Variants in EEPD1 observed in about 807,000 individuals in gnomAD.
EEPD1 encodes endonuclease/exonuclease/phosphatase family domain-containing protein 1.
EEPD1 carries 17 observed loss-of-function variants against 46.3 expected under a neutral mutation model. That is an observed-to-expected ratio of 0.37 (90% CI 0.25 to 0.55). The LOEUF is 0.55. Ranked by LOEUF, EEPD1 falls within the 20% of genes least tolerant of loss-of-function variation. EEPD1 has a pLI of 0.83. For synonymous variants in EEPD1, 313 were observed against 315.6 expected (o/e 0.99, Z 0.09); for missense variants, 673 against 745.6 (o/e 0.90, Z 1.13).
Position 36,154,839 on chromosome 7 carries a change from G to T in EEPD1, c.515G>T (p.Arg172Leu), listed in dbSNP as rs748646103. The change falls in exon 2 of 8, where the codon CGC becomes CTC. Residue 172 changes from arginine (R) to leucine (L), a missense_variant. By Grantham distance (102) the Arg-to-Leu change is moderately radical. Coordinates refer to ENST00000242108, the MANE Select transcript of EEPD1 (RefSeq NM_030636.3). This position sits in a 1 kb window ranked among gnomAD's most constrained non-coding sequence, Gnocchi z 4.2. ...TTCCGCCGTGAGCATGGGCCCTTTC[G>T]CAGCGTTGAGGACCTAGTGAGGATG... The part of the protein sequence containing the change: ...VDFRREHGPF[R>L]SVEDLVRMDG... 3 of 1,614,188 alleles carry T rather than the reference G, an allele frequency of 1.9e-6. No homozygotes were observed. The highest frequency in any genetic ancestry group is 2.2e-5 in the South Asian group (2 of 91,088).
chr7:36,190,632 G>A (rs1562679903), intron 2 of EEPD1, among the ~76,000 whole-genome samples: 2 of 152,220 alleles, frequency 1.3e-5, no homozygotes, highest in African/African-American at 4.8e-5. Context: ...CTTGCAGAGG[G>A]GGAAACATCT....
chr7:36,279,909 G>T (rs932648810), intron 3 of EEPD1, among the ~76,000 whole-genome samples: 1 of 152,182 alleles, frequency 6.6e-6, no homozygotes, highest in Non-Finnish European at 1.5e-5. Flanking sequence ...GTCCAGTGAC[G>T]GACTTCTTAG....
intron 3 of EEPD1, among the ~76,000 whole-genome samples, chr7:36,279,398 G>A (rs11764972): frequency 0.22 from 33,198 of 152,128 alleles, 4,414 homozygotes; most frequent in Non-Finnish European, 0.31. Flanking sequence ...CCCTTGCCTG[G>A]TTTCATCTTC....
At chr7:36,264,028 T>G (rs1024692704) in intron 3 of EEPD1, among the ~76,000 whole-genome samples, 1 of 152,152 alleles carries the variant, frequency 6.6e-6, no homozygotes, top group South Asian at 2.1e-4. Context: ...TATGAAAAAA[T>G]TATATATGTT....
intron 2 of EEPD1, among the ~76,000 whole-genome samples, chr7:36,209,156 C>T (rs941281494): frequency 2.6e-5 from 4 of 152,176 alleles, no homozygotes; most frequent in Non-Finnish European, 5.9e-5. Flanking sequence ...TGGTACTGGG[C>T]ATGTGGTAAG....
chr7:36,240,159 C>T (rs962169113), intron 3 of EEPD1, among the ~76,000 whole-genome samples: 5 of 152,000 alleles, frequency 3.3e-5, no homozygotes, highest in African/African-American at 7.3e-5. Flanking sequence ...GTCCCAATTC[C>T]GCAGGAGGCT....
At chr7:36,201,659 G>A (rs1194823030) in intron 2 of EEPD1, among the ~76,000 whole-genome samples, 1 of 152,114 alleles carries the variant, frequency 6.6e-6, no homozygotes, top group African/African-American at 2.4e-5. Context: ...TGCCTCCCCA[G>A]CTGTAAACCA....
At chr7:36,287,263 A>AG (rs1787354443) in intron 5 of EEPD1, among the ~76,000 whole-genome samples, 10 of 150,112 alleles carry the variant, frequency 6.7e-5, no homozygotes, top group African/African-American at 2.2e-4. Context: ...AAAAAAAAAA[A>AG]GTGCTGGAGT....
chr7:36,219,828 T>TGTGTGTGTGC (rs1786113825), intron 2 of EEPD1, among the ~76,000 whole-genome samples: 1 of 151,278 alleles, frequency 6.6e-6, no homozygotes, highest in African/African-American at 2.4e-5. Flanking sequence ...TGTGTGTGTG[T>TGTGTGTGTGC]GTGTGTGTGT....
chr7:36,270,532 T>C (rs940091023), intron 3 of EEPD1, among the ~76,000 whole-genome samples: 3 of 152,160 alleles, frequency 2.0e-5, no homozygotes, highest in Non-Finnish European at 4.4e-5. Context: ...GTTCAACTCC[T>C]ACTTATGAGT....
chr7:36,239,070 AC>A, intron 3 of EEPD1, 34 bp downstream of exon 3: 1 of 1,605,820 alleles, frequency 6.2e-7, no homozygotes, highest in Non-Finnish European at 8.5e-7. Flanking sequence ...ACATTCACAA[AC>A]CAAGAACGGA....
intron 2 of EEPD1, among the ~76,000 whole-genome samples, chr7:36,215,600 C>T (rs761398340): frequency 2.0e-5 from 3 of 152,260 alleles, no homozygotes; most frequent in Non-Finnish European, 1.5e-5. Flanking sequence ...GGGATGCCCA[C>T]TTGCATTCTC....
chr7:36,230,548 C>G (rs1017859619), intron 2 of EEPD1, among the ~76,000 whole-genome samples: 9 of 152,174 alleles, frequency 5.9e-5, no homozygotes, highest in African/African-American at 2.2e-4. Context: ...TTCCTTTGCT[C>G]TTGCCGTTCC....
intron 3 of EEPD1, among the ~76,000 whole-genome samples, chr7:36,275,550 G>A (rs549305079): frequency 1.3e-5 from 2 of 152,186 alleles, no homozygotes; most frequent in Non-Finnish European, 2.9e-5. Flanking sequence ...AGGTTCAAGC[G>A]AGTCTCCTGC....
chr7:36,277,700 C>T (rs1264760871), intron 3 of EEPD1, among the ~76,000 whole-genome samples: 1 of 152,188 alleles, frequency 6.6e-6, no homozygotes, highest in Admixed American at 6.5e-5. Context: ...TTACTCCTTC[C>T]TTAACTCTGG....
intron 6 of EEPD1, among the ~76,000 whole-genome samples, chr7:36,294,116 A>T (rs540573460): frequency 1.2e-4 from 18 of 152,316 alleles, no homozygotes; most frequent in African/African-American, 3.4e-4. Flanking sequence ...CTCTGTGTAG[A>T]GTGTCTAGAA....
chr7:36,267,458 C>T (rs556897350), intron 3 of EEPD1, among the ~76,000 whole-genome samples: 7 of 152,160 alleles, frequency 4.6e-5, no homozygotes, highest in Non-Finnish European at 8.8e-5. Flanking sequence ...TTTGCACATG[C>T]TGTCTGTGCT....
At chr7:36,184,929 C>T (rs1166752293) in intron 2 of EEPD1, among the ~76,000 whole-genome samples, 5 of 152,126 alleles carry the variant, frequency 3.3e-5, no homozygotes, top group Non-Finnish European at 7.3e-5. Context: ...TAAGGTTTCA[C>T]TGTGTTGGCC....
chr7:36,216,504 C>T (rs943982259), intron 2 of EEPD1, among the ~76,000 whole-genome samples: 3 of 152,224 alleles, frequency 2.0e-5, no homozygotes, highest in African/African-American at 7.2e-5. Flanking sequence ...AATTGTAAAT[C>T]TGCAAAGCAA....
Sources: allele counts gnomAD v4.1 joint callset (sites outside exome capture counted in the v4.1 genomes callset), GRCh38; gene constraint gnomAD v4.1.1; non-coding constraint Gnocchi (gnomAD v3.1); transcripts MANE v1.5; gene names NCBI Gene and HGNC (gene_info 2026-07-23, HGNC 2026-07-21).